The following ALKBH5 variants were observed in gnomAD, a reference collection of about 807,000 sequenced individuals.
ALKBH5 encodes the protein RNA demethylase ALKBH5.
A neutral mutation model predicts 32.1 loss-of-function variants in ALKBH5; 2 were observed. The observed-to-expected ratio is 0.06, with a 90% CI of 0.03 to 0.20. ALKBH5 has a LOEUF of 0.20. Ranked by LOEUF, ALKBH5 falls within the 10% of genes least tolerant of loss-of-function variation. ALKBH5 has a pLI of 1.00. For missense variants in ALKBH5, 352 were observed against 559.5 expected (o/e 0.63, Z 3.74); for synonymous variants, 300 against 231.7 (o/e 1.29, Z -2.68).
chr17:18,189,143 C>T (rs775589918), intron 1 of ALKBH5, among the ~76,000 whole-genome samples: 4 of 151,944 alleles, frequency 2.6e-5, no homozygotes, highest in African/African-American at 4.8e-5. Context: ...TTTGGGAGGC[C>T]GAGGTGGGTG....
intron 2 of ALKBH5, among the ~76,000 whole-genome samples, chr17:18,199,446 C>T (rs565861415): frequency 1.3e-5 from 2 of 152,306 alleles, no homozygotes; most frequent in East Asian, 1.9e-4. Context: ...CCCTAGTGCT[C>T]CTGCACTAGT....
rs542019526 is a variant in ALKBH5 at position 18,207,260 on chromosome 17, T to C, written c.1007+290T>C. ...TCACCCAGACACCCTTGTGGAATTA[T>C]ACTTAGATGTCAGGAGGGAATCTTG... is the stretch of plus-strand genomic sequence containing the variant. On this transcript the variant is annotated intron_variant, in intron 3 of 3. Coordinates refer to ENST00000399138, the MANE Select transcript of ALKBH5 (RefSeq NM_017758.4). 5.3e-5 allele frequency among the ~76,000 whole-genome samples: 8 copies of C among 152,324 alleles called. No homozygotes were observed. In the South Asian group the frequency reaches 1.7e-3, roughly 32 times the overall value.
chr17:18,195,322 C>A (rs927278431), intron 2 of ALKBH5, among the ~76,000 whole-genome samples: 2 of 152,162 alleles, frequency 1.3e-5, no homozygotes. Flanking sequence ...TCTTCCAAAC[C>A]TCACCCCACC....
chr17:18,204,512 A>G (rs1284102690), intron 2 of ALKBH5, among the ~76,000 whole-genome samples: 1 of 151,944 alleles, frequency 6.6e-6, no homozygotes, highest in Non-Finnish European at 1.5e-5. Context: ...CCATAATCCT[A>G]GCAGTTTGGG....
At chr17:18,206,728 C>A in intron 2 of ALKBH5, 87 bp from the exon 3 acceptor site, 1 of 1,484,004 alleles carries the variant, frequency 6.7e-7, no homozygotes, top group Non-Finnish European at 9.2e-7. Flanking sequence ...AGCTGGCTCC[C>A]ACTTGGCCTG....
Position 18,208,212 on chromosome 17 carries a change from C to T in ALKBH5, c.1008-7C>T, listed in dbSNP as rs764498423. 2 of 1,600,406 alleles carry T rather than the reference C, an allele frequency of 1.2e-6. No homozygotes were observed. The highest frequency in any genetic ancestry group is 2.7e-5 in the African/African-American group (2 of 74,336). ...TCAGATAACGTCCTACCTCCCTTTCCTTGCAGGCCACGGATCCTGGAGATG... is the reference window on the plus strand; with the variant it reads ...TCAGATAACGTCCTACCTCCCTTTCTTTGCAGGCCACGGATCCTGGAGATG... On this transcript the variant is annotated splice_polypyrimidine_tract_variant and splice_region_variant and intron_variant, in intron 3 of 3. Transcript: ENST00000399138.
At chr17:18,191,949 T>TAAAAAAA (rs553466001) in intron 1 of ALKBH5, among the ~76,000 whole-genome samples, 39 of 140,762 alleles carry the variant, frequency 2.8e-4, no homozygotes, top group African/African-American at 6.6e-4. Flanking sequence ...ACTCTGTCTT[T>TAAAAAAA]AAAAAAAAAA....
In ALKBH5 at chr17:18,208,877, G is replaced by A; in HGVS notation, c.*481G>A. 3.9e-6 allele frequency: 1 copy of A among 253,696 alleles called. No homozygotes were observed. Among genetic ancestry groups the A allele is most frequent in the Non-Finnish European group, 7.8e-6 (1 of 128,532 alleles). 15.7% of individuals were successfully genotyped at this position (253,696 alleles called of 1,614,324 possible). On this transcript the variant is annotated 3_prime_UTR_variant, in exon 4 of 4. Transcript: ENST00000399138. ...GGTCTCCTGGAGCCTCACAGGCTCT[G>A]CTGTTCTCCACTTCTCACCTGCCAT...
intron 2 of ALKBH5, among the ~76,000 whole-genome samples, chr17:18,203,940 A>C (rs533816992): frequency 6.6e-6 from 1 of 152,258 alleles, no homozygotes; most frequent in South Asian, 2.1e-4. Flanking sequence ...TGCCCCCACT[A>C]GGGCTTCACT....
intron 1 of ALKBH5, among the ~76,000 whole-genome samples, chr17:18,185,967 C>T (rs528062601): frequency 1.3e-5 from 2 of 152,324 alleles, no homozygotes; most frequent in South Asian, 4.1e-4. Flanking sequence ...TGACCACCAC[C>T]AAATACAAGG....
intron 1 of ALKBH5, among the ~76,000 whole-genome samples, chr17:18,193,756 T>G (rs1180011384): frequency 1.3e-5 from 2 of 152,158 alleles, no homozygotes; most frequent in African/African-American, 4.8e-5. Flanking sequence ...GTGTTTTTAA[T>G]AGTTAAGTTT....
At position 18,184,917 on chromosome 17, in the gene ALKBH5, C is replaced by T. The variant is rs372491826; in HGVS notation, c.674C>T (p.Ala225Val). ...TCCGTGTCCTTCTTTAGCGACTCTGCGCTGTGCTTCGGCTGCAAGTTCCAG... is the reference window on the plus strand; with the variant it reads ...TCCGTGTCCTTCTTTAGCGACTCTGTGCTGTGCTTCGGCTGCAAGTTCCAG... ...IVSVSFFSDS[A>V]LCFGCKFQFK... Residue 225 changes from alanine (A) to valine (V), a missense_variant, in exon 1 of 4, where the codon GCG (alanine) becomes GTG (valine). Physicochemically the swap from Ala to Val is moderately conservative, Grantham distance 64. Transcript: ENST00000399138. 1.2e-6 allele frequency: 2 copies of T among 1,614,080 alleles called. No homozygotes were observed. Among genetic ancestry groups the T allele is most frequent in the African/African-American group, 2.7e-5 (2 of 74,956 alleles).
intron 1 of ALKBH5, among the ~76,000 whole-genome samples, chr17:18,190,493 G>C (rs1321856312): frequency 6.7e-6 from 1 of 149,890 alleles, no homozygotes; most frequent in African/African-American, 2.5e-5. Context: ...AGGTTGCAGT[G>C]AGCCAAGATT....
intron 1 of ALKBH5, among the ~76,000 whole-genome samples, chr17:18,189,279 T>G (rs1393131724): frequency 7.1e-6 from 1 of 140,962 alleles, no homozygotes; most frequent in Non-Finnish European, 1.6e-5. Flanking sequence ...CTACTTGGGA[T>G]GCTGAGGCGG....
rs533494144 is a variant in ALKBH5 at position 18,188,900 on chromosome 17, C to T, written c.770+3887C>T. Among the ~76,000 whole-genome samples the T allele has an allele frequency of 8.5e-5, 13 of 152,178 alleles. No individual in the cohort carries two copies. The East Asian group carries it at 2.5e-3, about 29-fold the overall frequency. ...TGGCCAACATGGTAAAACCCCATCT[C>T]TACTAAAAATACAAAAACTAGCCGG... is the stretch of plus-strand genomic sequence containing the variant. On this transcript the variant is annotated intron_variant, in intron 1 of 3. Coordinates refer to ENST00000399138, the MANE Select transcript of ALKBH5 (RefSeq NM_017758.4).
chr17:18,207,459 G>A (rs1018514742), intron 3 of ALKBH5, among the ~76,000 whole-genome samples: 3 of 152,110 alleles, frequency 2.0e-5, no homozygotes, highest in Non-Finnish European at 4.4e-5. Flanking sequence ...TCAGGTGATC[G>A]AGACCATCCT....
At chr17:18,200,226 A>C (rs2142483569) in intron 2 of ALKBH5, among the ~76,000 whole-genome samples, 1 of 152,120 alleles carries the variant, frequency 6.6e-6, no homozygotes, top group African/African-American at 2.4e-5. Context: ...GTAAGCTCAA[A>C]GGCTAGGAGG....
At chr17:18,199,890 A>T (rs1433496356) in intron 2 of ALKBH5, among the ~76,000 whole-genome samples, 2 of 152,048 alleles carry the variant, frequency 1.3e-5, no homozygotes, top group Admixed American at 1.3e-4. Context: ...GGATCACCTG[A>T]GGTCAGGAGT....
chr17:18,205,694 A>G (rs1597842986), intron 2 of ALKBH5, among the ~76,000 whole-genome samples: 1 of 152,136 alleles, frequency 6.6e-6, no homozygotes, highest in Non-Finnish European at 1.5e-5. Flanking sequence ...AGAGGCAGCC[A>G]TGGGGAATGG....
Sources: gnomAD v4.1 joint callset for allele counts (sites outside exome capture counted in the v4.1 genomes callset) on GRCh38, gnomAD v4.1.1 for gene constraint, MANE v1.5 for transcripts, NCBI Gene and HGNC (gene_info 2026-07-23, HGNC 2026-07-21) for gene names.